The following SLX4IP variants were observed in gnomAD, a reference collection of about 807,000 sequenced individuals.
The protein encoded by SLX4IP is protein SLX4IP.
SLX4IP carries 34 observed loss-of-function variants against 32.9 expected under a neutral mutation model. The observed-to-expected ratio is 1.03, with a 90% CI of 0.79 to 1.38. SLX4IP has a LOEUF of 1.38. SLX4IP is among the 40% of genes most tolerant of loss of function. SLX4IP has a pLI of 0.00. For synonymous variants in SLX4IP, 172 were observed against 171.7 expected, an observed-to-expected ratio of 1.00 and a Z score of -0.01; for missense variants, 444 against 479.0, an observed-to-expected ratio of 0.93 and a Z score of 0.68.
chr20:10,544,592 G>A (rs1437104602), intron 2 of SLX4IP, among the ~76,000 whole-genome samples: 1 of 152,142 alleles, frequency 6.6e-6, no homozygotes. Context: ...CTGGCATGTT[G>A]CCTAGGCTAG....
At chr20:10,558,944 AG>A (rs1170377194) in intron 3 of SLX4IP, among the ~76,000 whole-genome samples, 4 of 152,202 alleles carry the variant, frequency 2.6e-5, no homozygotes, top group Non-Finnish European at 5.9e-5. Context: ...CCACAGCTAG[AG>A]GGAGAAAGTT....
intron 2 of SLX4IP, among the ~76,000 whole-genome samples, chr20:10,501,385 G>A (rs1178361481): frequency 6.6e-6 from 1 of 152,106 alleles, no homozygotes; most frequent in Non-Finnish European, 1.5e-5. Flanking sequence ...CTAATGAGTA[G>A]TAAAGGAACC....
At chr20:10,509,470 G>A (rs2065787332) in intron 2 of SLX4IP, among the ~76,000 whole-genome samples, 1 of 152,178 alleles carries the variant, frequency 6.6e-6, no homozygotes, top group Admixed American at 6.5e-5. Flanking sequence ...AAGTTGGACA[G>A]CCTTGGCAAC....
chr20:10,621,623 A>T (rs2067113344), intron 7 of SLX4IP, among the ~76,000 whole-genome samples: 1 of 152,120 alleles, frequency 6.6e-6, no homozygotes, highest in Admixed American at 6.5e-5. Flanking sequence ...AGGAGTAATT[A>T]ATGACACGTT....
intron 2 of SLX4IP, among the ~76,000 whole-genome samples, chr20:10,537,431 A>C (rs2066057867): frequency 6.6e-6 from 1 of 152,230 alleles, no homozygotes; most frequent in Non-Finnish European, 1.5e-5. Context: ...TTACAAAGGA[A>C]ACACTGTTTC....
At chr20:10,602,504 G>C (rs781561715) in intron 6 of SLX4IP, among the ~76,000 whole-genome samples, 9 of 152,156 alleles carry the variant, frequency 5.9e-5, no homozygotes, top group African/African-American at 2.2e-4. Context: ...CTTGTTGCAC[G>C]TGTGTGTGTT....
At chr20:10,611,949 T>G (rs2066971671) in intron 6 of SLX4IP, among the ~76,000 whole-genome samples, 1 of 152,198 alleles carries the variant, frequency 6.6e-6, no homozygotes, top group African/African-American at 2.4e-5. Flanking sequence ...AAGAGAGTAC[T>G]ACTGCACAGG....
intron 1 of SLX4IP, among the ~76,000 whole-genome samples, chr20:10,446,150 A>G (rs897431917): frequency 1.4e-4 from 21 of 152,062 alleles, no homozygotes; most frequent in African/African-American, 4.6e-4. Context: ...GCGGTGGCTC[A>G]TACCTGTAAT....
intron 5 of SLX4IP, 88 bp downstream of exon 5, chr20:10,598,840 G>C (rs79265163): frequency 0.026 from 33,780 of 1,321,578 alleles, 702 homozygotes; most frequent in Admixed American, 0.1. Flanking sequence ...GGAGTGGAGA[G>C]TCCCACTTGC....
At chr20:10,456,777 G>T (rs2065289073) in intron 1 of SLX4IP, among the ~76,000 whole-genome samples, 1 of 152,222 alleles carries the variant, frequency 6.6e-6, no homozygotes. Flanking sequence ...AAAGAAGTCA[G>T]CTGGGATTTT....
At chr20:10,575,053 T>C (rs142767666) in intron 4 of SLX4IP, among the ~76,000 whole-genome samples, 2 of 152,220 alleles carry the variant, frequency 1.3e-5, no homozygotes, top group East Asian at 3.9e-4. Context: ...TGATGACTTA[T>C]TACTACATAT....
intron 2 of SLX4IP, among the ~76,000 whole-genome samples, chr20:10,528,460 A>G (rs892694561): frequency 6.6e-6 from 1 of 152,200 alleles, no homozygotes; most frequent in African/African-American, 2.4e-5. Flanking sequence ...CTCATGAGTA[A>G]TAACAAAAGC....
chr20:10,492,828 A>T (rs2065635335), intron 2 of SLX4IP, among the ~76,000 whole-genome samples: 1 of 152,216 alleles, frequency 6.6e-6, no homozygotes. Context: ...GTTATCTCAG[A>T]ACAGCTTATC....
intron 2 of SLX4IP, among the ~76,000 whole-genome samples, chr20:10,509,411 C>G (rs1487344553): frequency 6.6e-6 from 1 of 152,292 alleles, no homozygotes; most frequent in East Asian, 1.9e-4. Context: ...ACAGTGACCA[C>G]CATGGGTGAA....
chr20:10,486,388 G>T (rs2065574507), intron 2 of SLX4IP, among the ~76,000 whole-genome samples: 1 of 152,048 alleles, frequency 6.6e-6, no homozygotes, highest in African/African-American at 2.4e-5. Context: ...AAATGCTGCT[G>T]GAGTTGACAG....
At chr20:10,449,327 TAG>T (rs1248204783) in intron 1 of SLX4IP, among the ~76,000 whole-genome samples, 1 of 152,240 alleles carries the variant, frequency 6.6e-6, no homozygotes, top group African/African-American at 2.4e-5. Flanking sequence ...TCATTAACTA[TAG>T]AGTTTCTTTC....
chr20:10,608,059 T>C (rs1289915856), intron 6 of SLX4IP, among the ~76,000 whole-genome samples: 1 of 152,248 alleles, frequency 6.6e-6, no homozygotes, highest in African/African-American at 2.4e-5. Context: ...CCATCCCCAA[T>C]CCTTTGTGGT....
chr20:10,580,259 ATCTC>A (rs1209507976), intron 4 of SLX4IP, among the ~76,000 whole-genome samples: 1 of 151,440 alleles, frequency 6.6e-6, no homozygotes. Flanking sequence ...CTTGTCCCCC[ATCTC>A]TCTCTATTAT....
At chr20:10,521,851 T>G (rs1344520284) in intron 2 of SLX4IP, among the ~76,000 whole-genome samples, 1 of 152,164 alleles carries the variant, frequency 6.6e-6, no homozygotes, top group African/African-American at 2.4e-5. Context: ...TGTTTAAATT[T>G]AGGAGCAGAG....
Sources: gnomAD v4.1 joint callset for allele counts (sites outside exome capture counted in the v4.1 genomes callset) on GRCh38, gnomAD v4.1.1 for gene constraint, MANE v1.5 for transcripts, NCBI Gene and HGNC (gene_info 2026-07-23, HGNC 2026-07-21) for gene names.